PRCP: variants seen among roughly 807,000 people sequenced by gnomAD.
PRCP encodes the protein prolylcarboxypeptidase, also known as lysosomal Pro-X carboxypeptidase.
Under a neutral mutation model 54.2 loss-of-function variants are expected in PRCP, and 46 were observed. The ratio of observed to expected loss-of-function variants is 0.85; its 90% CI spans 0.67 to 1.09. The LOEUF is 1.09. Ranked by LOEUF, PRCP falls within the 50% of genes least tolerant of loss-of-function variation. The probability of loss-of-function intolerance (pLI) is 0.00; values close to 1 mark genes in which losing one functional copy is unlikely to be tolerated. For synonymous variants in PRCP, 240 were observed against 212.2 expected, an observed-to-expected ratio of 1.13 and a Z score of -1.14; for missense variants, 613 against 596.8, an observed-to-expected ratio of 1.03 and a Z score of -0.28.
At chr11:82,829,652 C>G (rs990798976) in intron 8 of PRCP, 7 of 152,168 alleles carry the variant, frequency 4.6e-5, no homozygotes, top group Non-Finnish European at 1.0e-4. Flanking sequence ...CATTTCCTAT[C>G]TCTCAAATTA....
intron 1 of PRCP, among the ~76,000 whole-genome samples, chr11:82,887,157 T>A (rs1267415574): frequency 6.6e-6 from 1 of 152,218 alleles, no homozygotes; most frequent in Non-Finnish European, 1.5e-5. Context: ...TCACTCCTAA[T>A]CATCTTTCTG....
chr11:82,888,962 A>C (rs755302984), intron 1 of PRCP, among the ~76,000 whole-genome samples: 1 of 152,200 alleles, frequency 6.6e-6, no homozygotes, highest in African/African-American at 2.4e-5. Context: ...AATGTAGAAT[A>C]AGAGAGGAGT....
At chr11:82,839,661 T>A in intron 6 of PRCP, 1 of 484,238 alleles carries the variant, frequency 2.1e-6, no homozygotes, top group South Asian at 2.5e-5. Context: ...TGCAAAGTCC[T>A]CTCCATCTAC....
intron 8 of PRCP, 134 bp downstream of exon 8, chr11:82,838,253 A>G (rs1317530166): frequency 6.4e-6 from 5 of 776,926 alleles, no homozygotes; most frequent in Non-Finnish European, 9.6e-6. Flanking sequence ...CTTTCAAGGC[A>G]TAGGAAAACA....
intron 8 of PRCP, chr11:82,830,627 CAAAAAAAAAAAAAAAA>C: frequency 5.4e-5 from 1 of 18,644 alleles, no homozygotes; most frequent in South Asian, 3.2e-3. Flanking sequence ...GACTCCATCT[CAAAAAAAAAAAAAAAA>C]AAAAAAAAAA....
chr11:82,869,764 C>A (rs561753373), intron 1 of PRCP, among the ~76,000 whole-genome samples: 1 of 152,208 alleles, frequency 6.6e-6, no homozygotes, highest in Non-Finnish European at 1.5e-5. Flanking sequence ...CCAAGAAGGT[C>A]AAGTTTGTGC....
intron 1 of PRCP, among the ~76,000 whole-genome samples, chr11:82,869,110 C>T (rs953592878): frequency 6.6e-6 from 1 of 151,810 alleles, no homozygotes; most frequent in Non-Finnish European, 1.5e-5. Context: ...AATTCCAACA[C>T]TTCAGGAGGC....
intron 3 of PRCP, 45 bp downstream of exon 3, chr11:82,853,132 T>C (rs1858997301): frequency 7.0e-7 from 1 of 1,428,182 alleles, no homozygotes; most frequent in African/African-American, 1.5e-5. Context: ...CTATTCTAAA[T>C]TGAAAAGAAA....
At chr11:82,835,778 G>C (rs1858509123) in intron 8 of PRCP, 18 of 447,526 alleles carry the variant, frequency 4.0e-5, no homozygotes, top group South Asian at 3.1e-4. Flanking sequence ...TGAAGAAGTT[G>C]TAAAGGATCT....
At chr11:82,836,695 C>A (rs1018504542) in intron 8 of PRCP, among the ~76,000 whole-genome samples, 1 of 152,116 alleles carries the variant, frequency 6.6e-6, no homozygotes, top group Admixed American at 6.5e-5. Context: ...ACTGCAGGTA[C>A]ATGCCACCAT....
chr11:82,890,417 T>C (rs982091998), intron 1 of PRCP, among the ~76,000 whole-genome samples: 3 of 152,200 alleles, frequency 2.0e-5, no homozygotes, highest in Admixed American at 2.0e-4. Flanking sequence ...AGTTTGACTA[T>C]GGTCAAACTG....
At chr11:82,859,844 T>C in intron 2 of PRCP, 133 bp downstream of exon 2, 1 of 866,396 alleles carries the variant, frequency 1.2e-6, no homozygotes, top group East Asian at 3.3e-5. Context: ...GTGTGTTAAT[T>C]TTTTTGTTAT....
intron 8 of PRCP, chr11:82,835,928 C>T (rs1858513907): frequency 1.1e-5 from 4 of 373,372 alleles, no homozygotes; most frequent in Admixed American, 9.0e-5. Context: ...CGTGGTGGCT[C>T]ATGCCTGTAG....
At chr11:82,855,270 G>A (rs1371103581) in intron 2 of PRCP, among the ~76,000 whole-genome samples, 2 of 152,148 alleles carry the variant, frequency 1.3e-5, no homozygotes, top group Non-Finnish European at 2.9e-5. Flanking sequence ...GAAAATATTT[G>A]CAAACTATGC....
chr11:82,896,311 G>A (rs184275786), intron 1 of PRCP, among the ~76,000 whole-genome samples: 1 of 152,170 alleles, frequency 6.6e-6, no homozygotes. Context: ...GTATTTTTTG[G>A]ATGAGATTAA....
At chr11:82,891,072 C>A (rs1246978961) in intron 1 of PRCP, among the ~76,000 whole-genome samples, 2 of 152,172 alleles carry the variant, frequency 1.3e-5, no homozygotes, top group Admixed American at 6.5e-5. Context: ...CTTGCCCCAC[C>A]TTTCTTCTAA....
intron 6 of PRCP, among the ~76,000 whole-genome samples, chr11:82,844,747 A>AAAAGAAAG (rs60498077): frequency 0.16 from 21,441 of 134,196 alleles, 2,240 homozygotes; most frequent in Non-Finnish European, 0.21. Context: ...AAAAAAAAAA[A>AAAAGAAAG]AAAGAAAGAA....
At chr11:82,895,934 A>G (rs1860110152) in intron 1 of PRCP, among the ~76,000 whole-genome samples, 1 of 152,234 alleles carries the variant, frequency 6.6e-6, no homozygotes, top group Non-Finnish European at 1.5e-5. Context: ...ATGAGGAAGG[A>G]GCTGCAGAAG....
intron 1 of PRCP, among the ~76,000 whole-genome samples, chr11:82,884,394 C>CA (rs1591070561): frequency 6.6e-6 from 1 of 151,924 alleles, no homozygotes; most frequent in Admixed American, 6.6e-5. Context: ...CCCATCTCTA[C>CA]AAAAAAATAC....
Sources: gnomAD v4.1 joint callset for allele counts (sites outside exome capture counted in the v4.1 genomes callset) on GRCh38, gnomAD v4.1.1 for gene constraint, MANE v1.5 for transcripts, NCBI Gene and HGNC (gene_info 2026-07-23, HGNC 2026-07-21) for gene names.